GATA4: variants seen among roughly 807,000 people sequenced by gnomAD.
The protein encoded by GATA4 is GATA binding protein 4.
Under a neutral mutation model 37.9 loss-of-function variants are expected in GATA4, and 7 were observed. The observed-to-expected ratio is 0.18, with a 90% CI of 0.11 to 0.35. The LOEUF (loss-of-function observed/expected upper bound fraction) is 0.35, where lower values mean the gene tolerates loss of function less well. Ranked by LOEUF, GATA4 falls within the 10% of genes least tolerant of loss-of-function variation. The pLI, the probability that GATA4 is intolerant of heterozygous loss-of-function variation, is 1.00. For synonymous variants in GATA4, 372 were observed against 292.6 expected (o/e 1.27, Z -2.77); for missense variants, 647 against 653.0 (o/e 0.99, Z 0.10).
upstream of GATA4, chr8:11,692,116 G>T (rs556248987): frequency 9.1e-6 from 8 of 877,300 alleles, no homozygotes; most frequent in African/African-American, 1.3e-4. Context: ...GCAGGAGCTC[G>T]GGCCACCTGT....
chr8:11,712,809 C>T (rs528627889), intron 2 of GATA4, among the ~76,000 whole-genome samples: 11 of 152,006 alleles, frequency 7.2e-5, no homozygotes, highest in African/African-American at 2.2e-4. Flanking sequence ...TGCAGTGAGC[C>T]GTGATTGCAC....
chr8:11,758,154 A>G, intron 6 of GATA4, 139 bp from the exon 7 acceptor site: 1 of 789,570 alleles, frequency 1.3e-6, no homozygotes, highest in Non-Finnish European at 2.2e-6. Flanking sequence ...AGAAACAGAG[A>G]GAAGTGCTCC....
intron 1 of GATA4, among the ~76,000 whole-genome samples, chr8:11,684,896 G>A (rs1410275912): frequency 6.6e-6 from 1 of 152,166 alleles, no homozygotes; most frequent in Admixed American, 6.5e-5. Context: ...ATTGACTGCT[G>A]CTGGTGGTTG....
upstream of GATA4, among the ~76,000 whole-genome samples, chr8:11,688,784 G>C (rs565772685): frequency 6.6e-6 from 1 of 152,172 alleles, no homozygotes; most frequent in Non-Finnish European, 1.5e-5. Flanking sequence ...CAGAAAATAA[G>C]ACAAAGAATT....
At chr8:11,754,302 G>A (rs749356090) in intron 4 of GATA4, among the ~76,000 whole-genome samples, 2 of 152,192 alleles carry the variant, frequency 1.3e-5, no homozygotes, top group East Asian at 1.9e-4. Context: ...CTGGAGCCTC[G>A]ACTTCCTGGG....
chr8:11,758,639 G>T lies in GATA4; in HGVS notation c.*164G>T. On this transcript the variant is annotated 3_prime_UTR_variant, in exon 7 of 7. Transcript: ENST00000532059. ...TCGACAATCTGGTTAGGGGAAGCGGGTGTTGGATTTTCTCAGATGCCTTTA... is the reference window on the plus strand; with the variant it reads ...TCGACAATCTGGTTAGGGGAAGCGGTTGTTGGATTTTCTCAGATGCCTTTA... 1.4e-6 allele frequency: 1 copy of T among 727,016 alleles called. No homozygotes were observed. The highest frequency in any genetic ancestry group is 2.4e-6 in the Non-Finnish European group (1 of 419,484). The allele number at this position is 727,016 out of a possible 1,614,324, so 45.0% of individuals were successfully genotyped here.
intron 2 of GATA4, among the ~76,000 whole-genome samples, chr8:11,736,073 A>C (rs992101047): frequency 6.6e-6 from 1 of 151,942 alleles, no homozygotes; most frequent in African/African-American, 2.4e-5. Context: ...CACCAAGCCC[A>C]GCTAATTATT....
At chr8:11,737,588 G>T (rs1039404990) in intron 2 of GATA4, among the ~76,000 whole-genome samples, 1 of 152,220 alleles carries the variant, frequency 6.6e-6, no homozygotes, top group African/African-American at 2.4e-5. Context: ...TAGAAGCCAG[G>T]CCAGGGTTCC....
At chr8:11,693,186 C>G in intron 1 of GATA4, 1 of 730,886 alleles carries the variant, frequency 1.4e-6, no homozygotes, top group Non-Finnish European at 1.7e-6. Context: ...ATTCGGCAAG[C>G]TGGGCGCGGT....
rs140793181 is a variant in GATA4 at position 11,739,733 on chromosome 8, A to C, written c.617-9183A>C. On this transcript the variant is annotated intron_variant, in intron 2 of 6. Coordinates refer to ENST00000532059, the MANE Select transcript of GATA4 (RefSeq NM_001308093.3). ...TGAAACTCGATGGCTCTGTGTGCAG[A>C]GCTTCTGTCGTGTGCGGAGCTTCTG... 2.1e-3 allele frequency among the ~76,000 whole-genome samples: 302 copies of C among 145,284 alleles called. 17 individuals are homozygous for C. The highest frequency in any genetic ancestry group is 8.0e-3 in the African/African-American group (295 of 37,084).
intron 2 of GATA4, among the ~76,000 whole-genome samples, chr8:11,712,627 G>GGGA (rs779003403): frequency 4.0e-5 from 6 of 151,648 alleles, no homozygotes; most frequent in Non-Finnish European, 5.9e-5. Flanking sequence ...AGGCTGAGGT[G>GGGA]GGAGGATTGC....
intron 2 of GATA4, among the ~76,000 whole-genome samples, chr8:11,742,781 CA>C (rs1430184303): frequency 2.0e-5 from 3 of 152,276 alleles, no homozygotes; most frequent in Non-Finnish European, 2.9e-5. Flanking sequence ...GCCCCACACC[CA>C]GGCGCCAGCC....
In GATA4 at chr8:11,757,080, C is replaced by G; in HGVS notation, c.1146C>G (p.Ser382=). 1 of 1,613,972 alleles carries G rather than the reference C, an allele frequency of 6.2e-7. No individual in the cohort carries two copies. Among genetic ancestry groups the G allele is most frequent in the Non-Finnish European group, 8.5e-7 (1 of 1,179,878 alleles). Residue 382 remains serine, a synonymous_variant, in exon 6 of 7, where the codon TCC becomes TCG. Transcript: ENST00000532059. ...ACTACGGGCACAGCAGCTCCGTGTC[C>G]CAGGTACGCGCCATGGCTGGGGCGC... The part of the protein sequence containing the change: ...SSHYGHSSSV[S]QTFSVSAMSG...
intron 1 of GATA4, chr8:11,683,232 C>T (rs565359653): frequency 5.7e-6 from 4 of 707,192 alleles, no homozygotes; most frequent in Admixed American, 1.3e-4. Context: ...CGGGGGAGGA[C>T]GGAGGGACGG....
intron 1 of GATA4, chr8:11,698,086 T>C: frequency 1.1e-6 from 1 of 872,664 alleles, no homozygotes; most frequent in Non-Finnish European, 1.4e-6. Flanking sequence ...GGCCGCTTTC[T>C]GGCGTCCGTC....
At chr8:11,748,729 C>T (rs1489602113) in intron 2 of GATA4, among the ~76,000 whole-genome samples, 187 bp from the exon 3 acceptor site, 1 of 152,158 alleles carries the variant, frequency 6.6e-6, no homozygotes, top group Non-Finnish European at 1.5e-5. Flanking sequence ...GGGGAACTCT[C>T]AGTGTCTGGG....
chr8:11,692,974 C>T, intron 1 of GATA4: 1 of 985,288 alleles, frequency 1.0e-6, no homozygotes, highest in Non-Finnish European at 1.2e-6. Context: ...GCCGGCCCCG[C>T]GGCCATCCAT....
Position 11,758,901 on chromosome 8 carries a change from C to T in GATA4, c.*426C>T, listed in dbSNP as rs1062219. The stretch of plus-strand genomic sequence containing the variant: ...CATCTGTTTGCCATGTACCTGGATG[C>T]GACGGGCCCCTGGGGACAGGCCCTT... On this transcript the variant is annotated 3_prime_UTR_variant, in exon 7 of 7. Transcript: ENST00000532059. The T allele has an allele frequency of 0.35, 105,081 of 302,428 alleles. 21,111 individuals are homozygous for T. Among genetic ancestry groups the T allele is most frequent in the Non-Finnish European group, 0.44 (67,843 of 153,894 alleles). The allele number at this position is 302,428 out of a possible 1,614,324, so 18.7% of individuals were successfully genotyped here. A position where few individuals can be genotyped will look rare whatever the true frequency, so the allele number is the denominator to read the frequency against.
chr8:11,720,385 A>G (rs550625810), intron 2 of GATA4, among the ~76,000 whole-genome samples: 1 of 152,120 alleles, frequency 6.6e-6, no homozygotes, highest in South Asian at 2.1e-4. Context: ...GTAGGTTTCC[A>G]CGGCTGCCTG....
Sources: allele counts gnomAD v4.1 joint callset (sites outside exome capture counted in the v4.1 genomes callset), GRCh38; gene constraint gnomAD v4.1.1; transcripts MANE v1.5; gene names NCBI Gene and HGNC (gene_info 2026-07-23, HGNC 2026-07-21).